Variants in LHFPL7 observed in about 807,000 individuals in gnomAD.
The protein encoded by LHFPL7 is LHFPL tetraspan subfamily member 7 protein.
At chr22:24,939,538 G>T in the LHFPL7 span, 1 of 702,844 alleles carries the variant, frequency 1.4e-6, no homozygotes, top group Non-Finnish European at 2.6e-6. Context: ...CTCAACATTA[G>T]GCAGTATCGC....
At chr22:24,939,030 T>C in the LHFPL7 span, among the ~76,000 whole-genome samples, 1 of 152,184 alleles carries the variant, frequency 6.6e-6, no homozygotes, top group Admixed American at 6.5e-5. Flanking sequence ...CAGCTGCCTT[T>C]GGAATCATCC....
chr22:24,939,604 A>G, the LHFPL7 span: 1 of 695,794 alleles, frequency 1.4e-6, no homozygotes, highest in South Asian at 1.5e-5. Flanking sequence ...ACAAGGAGAG[A>G]AAGGGGCTGG....
At chr22:24,942,900 T>A in the LHFPL7 span, among the ~76,000 whole-genome samples, 31 of 145,162 alleles carry the variant, frequency 2.1e-4, no homozygotes, top group African/African-American at 7.7e-4. Flanking sequence ...AAAGTGTGTG[T>A]GTGTGTGTGT....
chr22:24,941,908 G>A, the LHFPL7 span, among the ~76,000 whole-genome samples: 21 of 151,420 alleles, frequency 1.4e-4, no homozygotes, highest in Non-Finnish European at 2.4e-4. Context: ...CTCGTGATCC[G>A]CACGCCTCGG....
the LHFPL7 span, chr22:24,938,366 T>C: frequency 5.6e-6 from 9 of 1,608,840 alleles, no homozygotes; most frequent in South Asian, 1.0e-4. Context: ...AGCTGAGACC[T>C]GCAAGGAAGA....
At chr22:24,935,958 A>G in the LHFPL7 span, among the ~76,000 whole-genome samples, 2 of 151,742 alleles carry the variant, frequency 1.3e-5, no homozygotes, top group African/African-American at 4.8e-5. Flanking sequence ...TCCATCCAGT[A>G]TACCCATTTT....
the LHFPL7 span, among the ~76,000 whole-genome samples, chr22:24,941,912 G>T: frequency 2.6e-5 from 4 of 151,980 alleles, no homozygotes; most frequent in Non-Finnish European, 4.4e-5. Flanking sequence ...TGATCCGCAC[G>T]CCTCGGACTC....
chr22:24,940,277 C>A, the LHFPL7 span, among the ~76,000 whole-genome samples: 1 of 148,484 alleles, frequency 6.7e-6, no homozygotes, highest in Non-Finnish European at 1.5e-5. Context: ...GCTGCTTCTA[C>A]CCAGTCGGGG....
At chr22:24,936,368 G>GTCCA in the LHFPL7 span, among the ~76,000 whole-genome samples, 1 of 151,878 alleles carries the variant, frequency 6.6e-6, no homozygotes, top group Non-Finnish European at 1.5e-5. Flanking sequence ...CCATCCACCA[G>GTCCA]TCCATCCATC....
At chr22:24,935,690 A>G in the LHFPL7 span, 1 of 1,457,576 alleles carries the variant, frequency 6.9e-7, no homozygotes. Context: ...CCACCCATCC[A>G]TCTATCCACC....
chr22:24,937,999 A>G, the LHFPL7 span: 2 of 1,211,844 alleles, frequency 1.7e-6, no homozygotes, highest in Non-Finnish European at 2.2e-6. Context: ...TTGCCAAAGG[A>G]CCAGGAATAG....
chr22:24,942,524 G>T, the LHFPL7 span, among the ~76,000 whole-genome samples: 1 of 152,218 alleles, frequency 6.6e-6, no homozygotes, highest in Non-Finnish European at 1.5e-5. Flanking sequence ...AGCTTTGCCA[G>T]GCACCTGCGG....
chr22:24,944,921 T>G, the LHFPL7 span, among the ~76,000 whole-genome samples: 1 of 151,882 alleles, frequency 6.6e-6, no homozygotes, highest in African/African-American at 2.4e-5. Context: ...GCAATTCTCC[T>G]GCCTCAGCCT....
the LHFPL7 span, among the ~76,000 whole-genome samples, chr22:24,945,025 G>A: frequency 9.9e-4 from 150 of 152,200 alleles, 1 homozygote; most frequent in Non-Finnish European, 2.0e-3. Context: ...GGCTAGGCTG[G>A]TGTCGATCTC....
the LHFPL7 span, among the ~76,000 whole-genome samples, chr22:24,936,413 T>C: frequency 1.3e-5 from 2 of 152,208 alleles, no homozygotes; most frequent in Non-Finnish European, 2.9e-5. Context: ...AATGTATCCA[T>C]CTATTCATCC....
chr22:24,938,000 C>T, the LHFPL7 span: 6 of 1,225,432 alleles, frequency 4.9e-6, no homozygotes, highest in Admixed American at 1.2e-4. Flanking sequence ...TGCCAAAGGA[C>T]CAGGAATAGT....
chr22:24,940,489 G>T, the LHFPL7 span, among the ~76,000 whole-genome samples: 2 of 151,130 alleles, frequency 1.3e-5, no homozygotes, highest in Non-Finnish European at 3.0e-5. Flanking sequence ...CCAGCTACTT[G>T]GGAGGCTGAG....
the LHFPL7 span, among the ~76,000 whole-genome samples, chr22:24,940,612 T>A: frequency 7.6e-6 from 1 of 131,588 alleles, no homozygotes. Flanking sequence ...AAAAAAATAA[T>A]AATAATTCAC....
At chr22:24,938,411 G>A in the LHFPL7 span, 1 of 1,538,680 alleles carries the variant, frequency 6.5e-7, no homozygotes, top group Non-Finnish European at 8.8e-7. Flanking sequence ...GACAGGGGCA[G>A]GTGGATGCTC....
Sources: allele counts gnomAD v4.1 joint callset (sites outside exome capture counted in the v4.1 genomes callset), GRCh38; gene constraint gnomAD v4.1.1; transcripts MANE v1.5; gene names NCBI Gene and HGNC (gene_info 2026-07-23, HGNC 2026-07-21).